HCN1: variants seen among roughly 807,000 people sequenced by gnomAD.
HCN1 encodes the protein potassium/sodium hyperpolarization-activated cyclic nucleotide-gated channel 1.
HCN1 carries 13 observed loss-of-function variants against 78.9 expected under a neutral mutation model. That is an observed-to-expected ratio of 0.16 (90% CI 0.11 to 0.26). HCN1 has a LOEUF of 0.26. HCN1 is among the 10% of genes least tolerant of loss of function. The probability of loss-of-function intolerance (pLI) is 1.00; values close to 1 mark genes in which losing one functional copy is unlikely to be tolerated. For synonymous variants in HCN1, 552 were observed against 455.5 expected (o/e 1.21, Z -2.70); for missense variants, 810 against 1,154.3 (o/e 0.70, Z 4.32).
chr5:45,431,643 T>C (rs186786979), intron 3 of HCN1, among the ~76,000 whole-genome samples: 2 of 152,310 alleles, frequency 1.3e-5, no homozygotes, highest in East Asian at 3.9e-4. Context: ...GTTTCAATCT[T>C]TTGCACATGG....
chr5:45,502,700 A>C (rs777010546), intron 2 of HCN1, among the ~76,000 whole-genome samples: 7 of 152,308 alleles, frequency 4.6e-5, no homozygotes, highest in Admixed American at 6.5e-5. Context: ...GTGCTTCTAA[A>C]TTGTCTAAAT....
At chr5:45,583,208 T>C (rs1007381807) in intron 2 of HCN1, among the ~76,000 whole-genome samples, 3 of 152,126 alleles carry the variant, frequency 2.0e-5, no homozygotes, top group African/African-American at 4.8e-5. Context: ...TCAGAGCCTG[T>C]TTTTGGTCTA....
chr5:45,384,162 A>T (rs1747868772), intron 4 of HCN1, among the ~76,000 whole-genome samples: 1 of 152,154 alleles, frequency 6.6e-6, no homozygotes, highest in Non-Finnish European at 1.5e-5. Flanking sequence ...GTATATACTC[A>T]TGTTTCCTTT....
At chr5:45,329,881 C>A (rs1746310854) in intron 5 of HCN1, among the ~76,000 whole-genome samples, 1 of 151,268 alleles carries the variant, frequency 6.6e-6, no homozygotes, top group African/African-American at 2.4e-5. Context: ...ACCTTACAAC[C>A]ATGAAAGACT....
intron 2 of HCN1, among the ~76,000 whole-genome samples, chr5:45,630,487 T>C (rs924202572): frequency 6.6e-6 from 1 of 152,190 alleles, no homozygotes; most frequent in Non-Finnish European, 1.5e-5. Context: ...AAACAATGTG[T>C]TTGCTAAAAA....
rs535053742 is a variant in HCN1, at chr5:45,315,170, C to T, written c.1378-11331G>A. On this transcript the variant is annotated intron_variant, in intron 5 of 7. Coordinates refer to ENST00000303230, the MANE Select transcript of HCN1 (RefSeq NM_021072.4). ...ATTGACAACATAGTTGGAAGTAAAGCTCTCCTCAGCAAATGTAAAAGAACA... is the reference window on the plus strand; with the variant it reads ...ATTGACAACATAGTTGGAAGTAAAGTTCTCCTCAGCAAATGTAAAAGAACA... Among the ~76,000 whole-genome samples, 11 of 152,280 alleles carry T rather than the reference C, an allele frequency of 7.2e-5. No homozygotes were observed. In the East Asian group the frequency reaches 1.7e-3, roughly 24 times the overall value.
At chr5:45,580,131 C>T (rs902786190) in intron 2 of HCN1, among the ~76,000 whole-genome samples, 1 of 151,922 alleles carries the variant, frequency 6.6e-6, no homozygotes, top group Non-Finnish European at 1.5e-5. Context: ...ACTCCCTGGA[C>T]CTAGGAAAAT....
At chr5:45,477,023 A>G (rs1206213990) in intron 2 of HCN1, among the ~76,000 whole-genome samples, 2 of 152,156 alleles carry the variant, frequency 1.3e-5, no homozygotes, top group African/African-American at 2.4e-5. Flanking sequence ...ATATCACCCC[A>G]AGGCATACGT....
intron 2 of HCN1, among the ~76,000 whole-genome samples, chr5:45,587,592 T>G (rs2111937486): frequency 6.6e-6 from 1 of 151,904 alleles, no homozygotes; most frequent in African/African-American, 2.4e-5. Context: ...GAGATATACC[T>G]AATGTAAATG....
intron 2 of HCN1, among the ~76,000 whole-genome samples, chr5:45,628,019 G>T (rs1179352207): frequency 6.6e-6 from 1 of 152,040 alleles, no homozygotes; most frequent in Admixed American, 6.6e-5. Context: ...AAGCATAGAC[G>T]CAAATAAATA....
At chr5:45,314,878 T>A (rs1037917001) in intron 5 of HCN1, among the ~76,000 whole-genome samples, 1 of 152,174 alleles carries the variant, frequency 6.6e-6, no homozygotes, top group Non-Finnish European at 1.5e-5. Flanking sequence ...CCTAAATATA[T>A]ATGCACCCAA....
rs987706992 is a variant in HCN1 at position 45,426,428 on chromosome 5, G to C, written c.1012-29718C>G. Among the ~76,000 whole-genome samples the C allele has an allele frequency of 3.3e-5, 5 of 152,308 alleles. No individual in the cohort carries two copies. In the South Asian group the frequency reaches 1.0e-3, roughly 32 times the overall value. ...AATAGTCCCCACATGTCATGGGAGG[G>C]ACCTGGTGGAGGTAATTGAATCGTG... On this transcript the variant is annotated intron_variant, in intron 3 of 7. Coordinates refer to ENST00000303230, the MANE Select transcript of HCN1 (RefSeq NM_021072.4).
At chr5:45,381,532 C>A (rs1747806677) in intron 4 of HCN1, among the ~76,000 whole-genome samples, 1 of 152,148 alleles carries the variant, frequency 6.6e-6, no homozygotes, top group African/African-American at 2.4e-5. Flanking sequence ...ATATGACAAT[C>A]CCTCGTCCCT....
chr5:45,564,488 G>A (rs1233407490), intron 2 of HCN1, among the ~76,000 whole-genome samples: 1 of 151,860 alleles, frequency 6.6e-6, no homozygotes, highest in African/African-American at 2.4e-5. Context: ...TGCCCGCCTC[G>A]GCCTCCCAAA....
At chr5:45,291,978 C>A (rs540688418) in intron 6 of HCN1, among the ~76,000 whole-genome samples, 1 of 151,600 alleles carries the variant, frequency 6.6e-6, no homozygotes, top group African/African-American at 2.4e-5. Context: ...GCATAATATC[C>A]ATGAATGCTA....
intron 2 of HCN1, among the ~76,000 whole-genome samples, chr5:45,630,342 A>T (rs1415798439): frequency 6.6e-6 from 1 of 152,166 alleles, no homozygotes; most frequent in Non-Finnish European, 1.5e-5. Context: ...AATATGGGGA[A>T]ATTGTTAATC....
At chr5:45,305,290 T>C (rs1745703521) in intron 5 of HCN1, among the ~76,000 whole-genome samples, 2 of 152,144 alleles carry the variant, frequency 1.3e-5, no homozygotes. Flanking sequence ...GAATTCCAGG[T>C]GATAACAGAA....
intron 2 of HCN1, among the ~76,000 whole-genome samples, chr5:45,586,679 T>C (rs1189705297): frequency 6.6e-6 from 1 of 152,198 alleles, no homozygotes; most frequent in Non-Finnish European, 1.5e-5. Context: ...CCTCCTATTG[T>C]TGTTTTAAGC....
intron 1 of HCN1, among the ~76,000 whole-genome samples, chr5:45,667,198 AC>A (rs912766521): frequency 1.3e-5 from 2 of 151,912 alleles, no homozygotes; most frequent in African/African-American, 2.4e-5. Flanking sequence ...CATACTTTCA[AC>A]TATCAGGAGC....
Sources: allele counts gnomAD v4.1 joint callset (sites outside exome capture counted in the v4.1 genomes callset), GRCh38; gene constraint gnomAD v4.1.1; transcripts MANE v1.5; gene names NCBI Gene and HGNC (gene_info 2026-07-23, HGNC 2026-07-21).